Variants in CDIN1 observed in about 807,000 individuals in gnomAD.
CDIN1 encodes the protein CDAN1-interacting nuclease 1.
A neutral mutation model predicts 45.3 loss-of-function variants in CDIN1; 33 were observed. The ratio of observed to expected loss-of-function variants is 0.73; its 90% CI spans 0.55 to 0.97. The LOEUF is 0.97. Among genes scored for constraint, CDIN1 ranks in the 50% least tolerant of loss-of-function variants. The pLI is 0.00. For missense variants in CDIN1, 303 were observed against 339.4 expected (o/e 0.89, Z 0.84); for synonymous variants, 118 against 124.4 (o/e 0.95, Z 0.34).
intron 5 of CDIN1, among the ~76,000 whole-genome samples, chr15:36,672,066 C>T (rs192023984): frequency 3.3e-5 from 5 of 152,086 alleles, no homozygotes; most frequent in South Asian, 2.1e-4. Flanking sequence ...AATTTTGAAA[C>T]ATTCAAAATG....
At chr15:36,590,783 G>A (rs534958977) in intron 1 of CDIN1, among the ~76,000 whole-genome samples, 1 of 152,146 alleles carries the variant, frequency 6.6e-6, no homozygotes, top group Non-Finnish European at 1.5e-5. Context: ...TATTTACAAG[G>A]TTTATCACTT....
At chr15:36,807,333 C>A (rs2055263022) in intron 10 of CDIN1, among the ~76,000 whole-genome samples, 1 of 152,184 alleles carries the variant, frequency 6.6e-6, no homozygotes, top group Non-Finnish European at 1.5e-5. Context: ...TTTAGACATG[C>A]TTTTACTAAC....
At chr15:36,647,112 C>G (rs546617862) in intron 3 of CDIN1, among the ~76,000 whole-genome samples, 170 of 147,866 alleles carry the variant, frequency 1.1e-3, no homozygotes, top group African/African-American at 4.0e-3. Flanking sequence ...CAGCCTCAAC[C>G]TCCTGGCCTC....
intron 10 of CDIN1, among the ~76,000 whole-genome samples, chr15:36,719,773 A>C (rs2043343144): frequency 6.6e-6 from 1 of 152,096 alleles, no homozygotes; most frequent in Non-Finnish European, 1.5e-5. Flanking sequence ...TTGGTGAAAG[A>C]TTTTTAACTA....
chr15:36,580,125 C>T (rs1014970471), intron 1 of CDIN1, among the ~76,000 whole-genome samples, 164 bp downstream of exon 1: 1 of 152,242 alleles, frequency 6.6e-6, no homozygotes, highest in African/African-American at 2.4e-5. Context: ...TTCTTTCACT[C>T]GCCTTCCACA....
At chr15:36,769,934 C>G (rs1010490756) in intron 10 of CDIN1, among the ~76,000 whole-genome samples, 1 of 152,116 alleles carries the variant, frequency 6.6e-6, no homozygotes, top group African/African-American at 2.4e-5. Flanking sequence ...TCTTTTTGCT[C>G]TATTGGGCCC....
At chr15:36,765,411 A>G (rs1032899261) in intron 10 of CDIN1, among the ~76,000 whole-genome samples, 1 of 152,008 alleles carries the variant, frequency 6.6e-6, no homozygotes, top group African/African-American at 2.4e-5. Flanking sequence ...TGCTACCACT[A>G]TTGTGATTTT....
chr15:36,685,637 A>G (rs1221827553), intron 5 of CDIN1, among the ~76,000 whole-genome samples: 1 of 152,208 alleles, frequency 6.6e-6, no homozygotes, highest in Non-Finnish European at 1.5e-5. Context: ...ACAAAATGGG[A>G]GAAAATTTTC....
rs745467866 is a variant in CDIN1, at chr15:36,579,965, A to G, written c.101+4A>G. ...AGCTGAAGCAGAGGTTTCCCAGGTAAGTGTCCATCTCTCCCCTCTCACAGC... is the reference window on the plus strand; with the variant it reads ...AGCTGAAGCAGAGGTTTCCCAGGTAGGTGTCCATCTCTCCCCTCTCACAGC... On this transcript the variant is annotated splice_donor_region_variant and intron_variant, in intron 1 of 10. Transcript: ENST00000566621. 42 of 1,611,636 alleles carry G rather than the reference A, an allele frequency of 2.6e-5. No homozygotes were observed. The Middle Eastern group carries it at 6.6e-4, about 25-fold the overall frequency.
intron 5 of CDIN1, among the ~76,000 whole-genome samples, chr15:36,681,973 G>A (rs1365407664): frequency 1.3e-5 from 2 of 152,010 alleles, no homozygotes; most frequent in African/African-American, 2.4e-5. Flanking sequence ...AAGGAAATAC[G>A]GCAAATGTGT....
intron 1 of CDIN1, among the ~76,000 whole-genome samples, chr15:36,592,706 G>A (rs2037638638): frequency 6.6e-6 from 1 of 151,960 alleles, no homozygotes; most frequent in South Asian, 2.1e-4. Context: ...AAGTATTATG[G>A]TACATTCATA....
At chr15:36,785,178 G>A (rs1307968866) in intron 10 of CDIN1, among the ~76,000 whole-genome samples, 22 of 152,122 alleles carry the variant, frequency 1.4e-4, no homozygotes. Flanking sequence ...CAGCTATTAA[G>A]CCAGCCAGGG....
intron 10 of CDIN1, among the ~76,000 whole-genome samples, chr15:36,728,468 C>A (rs2043719736): frequency 6.6e-6 from 1 of 151,950 alleles, no homozygotes; most frequent in Non-Finnish European, 1.5e-5. Flanking sequence ...TTAGCCAGCC[C>A]TGATGATAGC....
intron 5 of CDIN1, among the ~76,000 whole-genome samples, chr15:36,675,801 C>A (rs957017704): frequency 6.6e-6 from 1 of 152,102 alleles, no homozygotes; most frequent in Non-Finnish European, 1.5e-5. Flanking sequence ...AAAATGTAAG[C>A]TTTCTTGAAA....
At chr15:36,664,771 C>A (rs1040634113) in intron 5 of CDIN1, among the ~76,000 whole-genome samples, 1 of 152,236 alleles carries the variant, frequency 6.6e-6, no homozygotes, top group Non-Finnish European at 1.5e-5. Flanking sequence ...TGGTCTCGAT[C>A]TCCTGACCTC....
At position 36,728,550 on chromosome 15, in the gene CDIN1, C is replaced by CT. The variant is rs373887720; in HGVS notation, c.716+18606dup. 2.6e-3 allele frequency among the ~76,000 whole-genome samples: 365 copies of CT among 138,932 alleles called. 1 individual carries two copies. Among genetic ancestry groups the CT allele is most frequent in the East Asian group, 8.6e-3 (42 of 4,880 alleles). The allele number at this position is 138,932 out of a possible 152,430, so 91.1% of individuals were successfully genotyped here. A position where few individuals can be genotyped will look rare whatever the true frequency, so the allele number is the denominator to read the frequency against. On this transcript the variant is annotated intron_variant, in intron 10 of 10. Transcript: ENST00000566621. Reference sequence around the variant, plus strand: ...TAAATATCTTTGCTTGTTTTTCTTCCTTTTTTTTTTTTTTTTTAAATGCCA... The same window carrying CT: ...TAAATATCTTTGCTTGTTTTTCTTCCTTTTTTTTTTTTTTTTTTAAATGCCA...
At chr15:36,652,675 A>G (rs1409982992) in intron 3 of CDIN1, among the ~76,000 whole-genome samples, 1 of 152,156 alleles carries the variant, frequency 6.6e-6, no homozygotes, top group Admixed American at 6.5e-5. Context: ...GGGTGGCCCC[A>G]ATATGTGGAA....
intron 5 of CDIN1, among the ~76,000 whole-genome samples, chr15:36,664,268 G>A (rs1398018290): frequency 6.6e-6 from 1 of 152,184 alleles, no homozygotes; most frequent in African/African-American, 2.4e-5. Flanking sequence ...TTCTTTCTCA[G>A]AGCCCCATAT....
chr15:36,589,388 G>A (rs920159140), intron 1 of CDIN1, among the ~76,000 whole-genome samples: 2 of 152,216 alleles, frequency 1.3e-5, no homozygotes, highest in Non-Finnish European at 2.9e-5. Context: ...TATACTTGAA[G>A]ATGTTTCTCC....
Sources: gnomAD v4.1 joint callset for allele counts (sites outside exome capture counted in the v4.1 genomes callset) on GRCh38, gnomAD v4.1.1 for gene constraint, MANE v1.5 for transcripts, NCBI Gene and HGNC (gene_info 2026-07-23, HGNC 2026-07-21) for gene names.